MYO5A: variants seen among roughly 807,000 people sequenced by gnomAD.
The protein encoded by MYO5A is unconventional myosin-Va.
A neutral mutation model predicts 249.7 loss-of-function variants in MYO5A; 98 were observed. The observed-to-expected ratio is 0.39, with a 90% confidence interval of 0.33 to 0.46. MYO5A has a LOEUF of 0.46. Among genes scored for constraint, MYO5A ranks in the 20% least tolerant of loss-of-function variants. The pLI is 0.98. For missense variants in MYO5A, 1,696 were observed against 2,308.8 expected (o/e 0.73, Z 5.44); for synonymous variants, 778 against 810.6 (o/e 0.96, Z 0.68).
chr15:52,508,408 C>T (rs544607022), intron 1 of MYO5A, among the ~76,000 whole-genome samples: 1 of 151,656 alleles, frequency 6.6e-6, no homozygotes, highest in East Asian at 1.9e-4. Flanking sequence ...TAGAACTAAC[C>T]TGACAAAACA....
intron 9 of MYO5A, among the ~76,000 whole-genome samples, chr15:52,401,100 T>C (rs1032692820): frequency 1.4e-5 from 2 of 143,262 alleles, no homozygotes; most frequent in Non-Finnish European, 1.5e-5. Flanking sequence ...TGAGACAGTC[T>C]TGCTCTATCC....
chr15:52,503,464 C>G lies in MYO5A; in HGVS notation c.27+25316G>C, dbSNP rs1005754569. Among the ~76,000 whole-genome samples, 68 of 14,344 alleles carry G rather than the reference C, an allele frequency of 4.7e-3. 1 individual carries two copies. Among genetic ancestry groups the G allele is most frequent in the East Asian group, 0.042 (37 of 882 alleles). 9.4% of individuals were successfully genotyped at this position (14,344 alleles called of 152,430 possible). ...TGGGCAATATAGTGAGATGCTGTCT[C>G]TAAAAAAAAAAATAAAGAAATTTGC... On this transcript the variant is annotated intron_variant, in intron 1 of 41. Coordinates refer to ENST00000399233, the MANE Select transcript of MYO5A (RefSeq NM_001382347.1).
chr15:52,380,442 A>G (rs1475903632), intron 16 of MYO5A, among the ~76,000 whole-genome samples: 1 of 151,884 alleles, frequency 6.6e-6, no homozygotes, highest in East Asian at 1.9e-4. Flanking sequence ...TCTCAACAAC[A>G]ACAAAAAGAA....
At chr15:52,342,358 C>CA (rs925321956) in intron 31 of MYO5A, among the ~76,000 whole-genome samples, 8 of 151,264 alleles carry the variant, frequency 5.3e-5, no homozygotes, top group African/African-American at 1.9e-4. Flanking sequence ...GACCCTGTGT[C>CA]AAAAAAAAGA....
chr15:52,407,557 AAAATT>A lies in MYO5A; in HGVS notation c.839-163_839-159del, dbSNP rs146919710. Among the ~76,000 whole-genome samples the A allele has an allele frequency of 0.054, 8,162 of 152,130 alleles. 284 individuals are homozygous for A. The highest frequency in any genetic ancestry group is 0.14 in the South Asian group (663 of 4,810). ...TCAATTGTATTTTAATAAAAAATTA[AAAATT>A]AAATAAAATTTAATTAAATAAATGG... On this transcript the variant is annotated intron_variant, in intron 7 of 41. Transcript: ENST00000399233.
chr15:52,312,311 G>A lies in MYO5A; in HGVS notation c.*1385C>T, dbSNP rs1299970840. ...ATATACCTTCTTTTGCATAATCAAA[G>A]TTTCAAGACCTGAATCGTGAATATT... On this transcript the variant is annotated 3_prime_UTR_variant, in exon 42 of 42. Coordinates refer to ENST00000399233, the MANE Select transcript of MYO5A (RefSeq NM_001382347.1). 1.3e-5 allele frequency: 2 copies of A among 152,150 alleles called. No homozygotes were observed. The allele number at this position is 152,150 out of a possible 1,614,324, so 9.4% of individuals were successfully genotyped here.
chr15:52,475,713 A>C (rs970651098), intron 1 of MYO5A, among the ~76,000 whole-genome samples: 15 of 152,166 alleles, frequency 9.9e-5, no homozygotes, highest in African/African-American at 3.6e-4. Context: ...TGAGTTTCTT[A>C]ATCCTGAGTT....
At chr15:52,415,966 T>G in intron 5 of MYO5A, 179 bp downstream of exon 5, 1 of 744,422 alleles carries the variant, frequency 1.3e-6, no homozygotes, top group Non-Finnish European at 2.1e-6. Context: ...TTACTAAAAA[T>G]GTCTACCTTA....
chr15:52,356,401 A>G (rs532847280), intron 25 of MYO5A, among the ~76,000 whole-genome samples: 59 of 152,242 alleles, frequency 3.9e-4, no homozygotes, highest in African/African-American at 1.3e-3. Flanking sequence ...CTTTTTCTCT[A>G]TGCATCTATA....
intron 22 of MYO5A, among the ~76,000 whole-genome samples, chr15:52,367,902 C>T (rs921902889): frequency 9.2e-5 from 14 of 151,706 alleles, no homozygotes; most frequent in Admixed American, 1.3e-4. Flanking sequence ...CACACACACA[C>T]ACACACACAC....
intron 1 of MYO5A, among the ~76,000 whole-genome samples, chr15:52,436,909 G>A (rs1049354333): frequency 6.6e-6 from 1 of 152,180 alleles, no homozygotes; most frequent in Admixed American, 6.5e-5. Context: ...GCCACCAGAT[G>A]GGCCTTGGCC....
intron 4 of MYO5A, among the ~76,000 whole-genome samples, chr15:52,421,980 G>T (rs1372416083): frequency 6.6e-6 from 1 of 152,070 alleles, no homozygotes; most frequent in Non-Finnish European, 1.5e-5. Flanking sequence ...ACAGTGGAGA[G>T]AAAATATAGC....
intron 16 of MYO5A, among the ~76,000 whole-genome samples, chr15:52,382,426 T>C (rs7164521): frequency 0.68 from 103,497 of 151,772 alleles, 36,799 homozygotes; most frequent in Admixed American, 0.76. Context: ...AGAAAATTAG[T>C]TGGGCATGAT....
intron 8 of MYO5A, among the ~76,000 whole-genome samples, chr15:52,406,283 G>C (rs1274592682): frequency 6.6e-6 from 1 of 150,562 alleles, no homozygotes; most frequent in Non-Finnish European, 1.5e-5. Flanking sequence ...TTGTTTTTTT[G>C]ACACACAGTC....
In MYO5A at chr15:52,411,077, A is replaced by G. The variant is rs183372795; in HGVS notation, c.613-601T>C. 5.3e-3 allele frequency among the ~76,000 whole-genome samples: 803 copies of G among 152,356 alleles called. 7 individuals carry two copies. The highest frequency in any genetic ancestry group is 8.9e-3 in the Non-Finnish European group (607 of 68,036). On this transcript the variant is annotated intron_variant, in intron 5 of 41. Coordinates refer to ENST00000399233, the MANE Select transcript of MYO5A (RefSeq NM_001382347.1). ...AACCTTTTGGGTTATCTGAACATTC[A>G]TGCCAGCAAAGAAAGAGAACAAACG...
intron 1 of MYO5A, among the ~76,000 whole-genome samples, chr15:52,488,418 T>C (rs1363359924): frequency 6.6e-6 from 1 of 152,254 alleles, no homozygotes; most frequent in Non-Finnish European, 1.5e-5. Flanking sequence ...ACATTAGTTG[T>C]ACACATGATC....
intron 1 of MYO5A, among the ~76,000 whole-genome samples, chr15:52,517,035 T>A (rs1441221009): frequency 6.6e-6 from 1 of 152,234 alleles, no homozygotes; most frequent in Non-Finnish European, 1.5e-5. Context: ...AAAGGTTAAA[T>A]TTTTGAAATG....
intron 1 of MYO5A, among the ~76,000 whole-genome samples, chr15:52,466,989 G>A (rs558179294): frequency 1.7e-4 from 26 of 152,290 alleles, no homozygotes; most frequent in African/African-American, 5.8e-4. Context: ...GAAAGCTACC[G>A]CATTAAGGCT....
chr15:52,370,158 A>G lies in MYO5A; in HGVS notation c.3066+11T>C, dbSNP rs915438959. On this transcript the variant is annotated intron_variant, in intron 22 of 41. Transcript: ENST00000399233. ...GTACGGAGTAGATGGGGATATGGACATTATTCCTACCTGCTCTGTTTCTTG... is the reference window on the plus strand; with the variant it reads ...GTACGGAGTAGATGGGGATATGGACGTTATTCCTACCTGCTCTGTTTCTTG... 3.1e-6 allele frequency: 5 copies of G among 1,613,848 alleles called. No individual in the cohort carries two copies. The highest frequency in any genetic ancestry group is 4.2e-6 in the Non-Finnish European group (5 of 1,179,914).
Sources: allele counts gnomAD v4.1 joint callset (sites outside exome capture counted in the v4.1 genomes callset), GRCh38; gene constraint gnomAD v4.1.1; transcripts MANE v1.5; gene names NCBI Gene and HGNC (gene_info 2026-07-23, HGNC 2026-07-21).